The following SIRT5 variants were observed in gnomAD, a reference collection of about 807,000 sequenced individuals.
SIRT5 encodes sirtuin 5, also known as NAD-dependent protein deacylase sirtuin-5, mitochondrial.
In SIRT5, 26 loss-of-function variants were observed where a neutral mutation model predicts 40.0. That is an observed-to-expected ratio of 0.65 (90% CI 0.48 to 0.90). The LOEUF is 0.90. SIRT5 is among the 40% of genes least tolerant of loss of function. SIRT5 has a pLI of 0.00. For synonymous variants in SIRT5, 146 were observed against 149.1 expected (o/e 0.98, Z 0.15); for missense variants, 401 against 402.4 (o/e 1.00, Z 0.03).
chr6:13,585,470 C>T (rs886850218), intron 3 of SIRT5, among the ~76,000 whole-genome samples: 8 of 151,822 alleles, frequency 5.3e-5, no homozygotes, highest in Non-Finnish European at 1.0e-4. Context: ...TCAACTCCCA[C>T]TTATGAGTGA....
rs1352881121 is a variant in SIRT5 at position 13,591,778 on chromosome 6, C to T, written c.359C>T (p.Ala120Val). The T allele has an allele frequency of 6.2e-7, 1 of 1,614,130 alleles. No homozygotes were observed. Among genetic ancestry groups the T allele is most frequent in the Non-Finnish European group, 8.5e-7 (1 of 1,179,992 alleles). The stretch of plus-strand genomic sequence containing the variant: ...AAGGAGCCCAACGCCGGGCACCGCG[C>T]CATAGCCGAGTGTGAGACCCGGCTG... The part of the protein sequence containing the change: ...GSKEPNAGHR[A>V]IAECETRLGK... The change falls in exon 5 of 10, where the codon GCC (alanine) becomes GTC (valine). Residue 120 changes from alanine (A) to valine (V), a missense_variant. Physicochemically the swap from Ala to Val is moderately conservative, Grantham distance 64 (BLOSUM62 0). Coordinates refer to ENST00000606117, the MANE Select transcript of SIRT5 (RefSeq NM_012241.5).
chr6:13,580,377 G>A (rs547999841), intron 2 of SIRT5, among the ~76,000 whole-genome samples: 8 of 152,086 alleles, frequency 5.3e-5, no homozygotes, highest in African/African-American at 1.9e-4. Context: ...AGTTCTATGA[G>A]TGTTGAAAAA....
chr6:13,595,869 G>A (rs961371935), intron 6 of SIRT5, among the ~76,000 whole-genome samples: 2 of 152,104 alleles, frequency 1.3e-5, no homozygotes, highest in Admixed American at 6.6e-5. Context: ...GCACATGCCT[G>A]TAGTCCCAGC....
Position 13,611,195 on chromosome 6 carries a change from A to ATG in SIRT5, c.858-583_858-582dup, listed in dbSNP as rs564440484. Among the ~76,000 whole-genome samples, 674 of 116,340 alleles carry ATG rather than the reference A, an allele frequency of 5.8e-3. 5 individuals are homozygous for ATG. Among genetic ancestry groups the ATG allele is most frequent in the East Asian group, 0.033 (132 of 3,982 alleles). The allele number at this position is 116,340 out of a possible 152,430, so 76.3% of individuals were successfully genotyped here. A position where few individuals can be genotyped will look rare whatever the true frequency, so the allele number is the denominator to read the frequency against. ...CCTGTGAATGCTGCTGTAATGTTTT[A>ATG]TGTGTGTGTGTGTATATATATATAT... On this transcript the variant is annotated intron_variant, in intron 9 of 9. Coordinates refer to ENST00000606117, the MANE Select transcript of SIRT5 (RefSeq NM_012241.5).
intron 2 of SIRT5, among the ~76,000 whole-genome samples, chr6:13,583,872 A>G (rs1423623940): frequency 6.6e-6 from 1 of 152,160 alleles, no homozygotes; most frequent in Non-Finnish European, 1.5e-5. Flanking sequence ...ACTTGAGAAC[A>G]CAAACGGAAA....
At chr6:13,591,134 G>A (rs1206762022) in intron 4 of SIRT5, among the ~76,000 whole-genome samples, 1 of 152,008 alleles carries the variant, frequency 6.6e-6, no homozygotes, top group Non-Finnish European at 1.5e-5. Flanking sequence ...ATTGAGTTGT[G>A]TGTGTTTAGT....
At chr6:13,611,421 T>C (rs1354410576) in intron 9 of SIRT5, among the ~76,000 whole-genome samples, 1 of 151,566 alleles carries the variant, frequency 6.6e-6, no homozygotes, top group Non-Finnish European at 1.5e-5. Flanking sequence ...TTTCAATGAG[T>C]TTGGCAGTAC....
At chr6:13,593,912 C>T (rs1157575451) in intron 5 of SIRT5, among the ~76,000 whole-genome samples, 1 of 152,094 alleles carries the variant, frequency 6.6e-6, no homozygotes, top group Non-Finnish European at 1.5e-5. Context: ...TCTGTGTTTT[C>T]CATGCAGTTT....
chr6:13,580,177 G>A (rs1424521135), intron 2 of SIRT5, among the ~76,000 whole-genome samples: 1 of 152,174 alleles, frequency 6.6e-6, no homozygotes, highest in Non-Finnish European at 1.5e-5. Flanking sequence ...GTCCCCTGAG[G>A]TTGTTCTGGA....
At chr6:13,604,858 C>T (rs1762895630) in intron 9 of SIRT5, 2 of 1,030,300 alleles carry the variant, frequency 1.9e-6, no homozygotes, top group Non-Finnish European at 1.2e-6. Flanking sequence ...TTGTCTCTAA[C>T]AAACAGGCTA....
chr6:13,612,128 GTTATTGGGAGGGAAAAA>G lies in SIRT5; in HGVS notation c.*266_*282del, dbSNP rs2127748613. ...GAGGTATCTTTGATGTGTATGGTTG[GTTATTGGGAGGGAAAAA>G]TTTTGTAAATTAGATTGTCTAAAAA... On this transcript the variant is annotated 3_prime_UTR_variant, in exon 10 of 10. Transcript: ENST00000606117. 3.5e-6 allele frequency: 1 copy of G among 288,002 alleles called. No homozygotes were observed. Among genetic ancestry groups the G allele is most frequent in the East Asian group, 5.9e-5 (1 of 16,952 alleles). The allele number at this position is 288,002 out of a possible 1,614,324, so 17.8% of individuals were successfully genotyped here.
chr6:13,597,664 G>A (rs1368300471), intron 7 of SIRT5, among the ~76,000 whole-genome samples: 3 of 151,978 alleles, frequency 2.0e-5, no homozygotes, highest in Non-Finnish European at 2.9e-5. Context: ...TTCTGCCTCA[G>A]CCTCCCGAGT....
chr6:13,579,267 T>C (rs950916872), intron 1 of SIRT5, among the ~76,000 whole-genome samples, 184 bp from the exon 2 acceptor site: 2 of 152,272 alleles, frequency 1.3e-5, no homozygotes, highest in African/African-American at 4.8e-5. Flanking sequence ...TAAAATACTT[T>C]GTAGTCGCAA....
Position 13,612,180 on chromosome 6 carries a change from T to C in SIRT5, c.*315T>C, listed in dbSNP as rs1584892699. On this transcript the variant is annotated 3_prime_UTR_variant, in exon 10 of 10. Transcript: ENST00000606117. ...TTAGATTGTCTAAAAAAAATAGTTATTCTGATTATATTTTTGTTATCTGGG... is the reference window on the plus strand; with the variant it reads ...TTAGATTGTCTAAAAAAAATAGTTACTCTGATTATATTTTTGTTATCTGGG... The C allele has an allele frequency of 4.8e-6, 1 of 206,474 alleles. No homozygotes were observed. Among genetic ancestry groups the C allele is most frequent in the African/African-American group, 2.3e-5 (1 of 43,696 alleles). 12.8% of individuals were successfully genotyped at this position (206,474 alleles called of 1,614,324 possible). A position where few individuals can be genotyped will look rare whatever the true frequency, so the allele number is the denominator to read the frequency against.
In SIRT5 at chr6:13,614,586, C is replaced by T. The variant is rs1764195964; in HGVS notation, c.*2721C>T. 6.6e-6 allele frequency: 1 copy of T among 152,244 alleles called. No individual in the cohort carries two copies. The highest frequency in any genetic ancestry group is 2.4e-5 in the African/African-American group (1 of 41,452). 9.4% of individuals were successfully genotyped at this position (152,244 alleles called of 1,614,324 possible). A position where few individuals can be genotyped will look rare whatever the true frequency, so the allele number is the denominator to read the frequency against. On this transcript the variant is annotated 3_prime_UTR_variant, in exon 10 of 10. Transcript: ENST00000606117. ...ACGTATGTGTATATACCACAAAACT[C>T]GGGTGCATTCTCTAGGGACCGGCGA...
intron 9 of SIRT5, among the ~76,000 whole-genome samples, chr6:13,606,550 T>C (rs1763136794): frequency 6.6e-6 from 1 of 152,162 alleles, no homozygotes; most frequent in South Asian, 2.1e-4. Flanking sequence ...TCCTAGTCCA[T>C]GCAGTCAGGG....
In SIRT5 at chr6:13,613,892, T is replaced by G. The variant is rs1050486816; in HGVS notation, c.*2027T>G. 1 of 152,264 alleles carries G rather than the reference T, an allele frequency of 6.6e-6. No individual in the cohort carries two copies. The highest frequency in any genetic ancestry group is 1.5e-5 in the Non-Finnish European group (1 of 68,042). The allele number at this position is 152,264 out of a possible 1,614,324, so 9.4% of individuals were successfully genotyped here. On this transcript the variant is annotated 3_prime_UTR_variant, in exon 10 of 10. Transcript: ENST00000606117. ...CAGGGAGTCTGATTATATTTTTGATTTGTAATTTCTATCTGACTAAGGCCT... is the reference window on the plus strand; with the variant it reads ...CAGGGAGTCTGATTATATTTTTGATGTGTAATTTCTATCTGACTAAGGCCT...
intron 4 of SIRT5, among the ~76,000 whole-genome samples, 156 bp from the exon 5 acceptor site, chr6:13,591,513 C>G (rs966412384): frequency 2.0e-5 from 3 of 152,358 alleles, no homozygotes; most frequent in African/African-American, 7.2e-5. Context: ...CCCTGCCTGG[C>G]ATCTGCCATG....
At position 13,615,069 on chromosome 6, in the gene SIRT5, C is replaced by T. The variant is rs1182118995; in HGVS notation, c.*3204C>T. ...GCCAGCCCTGTCTCGCCATCCCAGC[C>T]GAGGAGGGCAGCGCGATGGCTCTTC... On this transcript the variant is annotated 3_prime_UTR_variant, in exon 10 of 10. Transcript: ENST00000606117. 1 of 392,510 alleles carries T rather than the reference C, an allele frequency of 2.5e-6. No individual in the cohort carries two copies. The highest frequency in any genetic ancestry group is 4.6e-6 in the Non-Finnish European group (1 of 218,716). The allele number at this position is 392,510 out of a possible 1,614,324, so 24.3% of individuals were successfully genotyped here. A position where few individuals can be genotyped will look rare whatever the true frequency, so the allele number is the denominator to read the frequency against.
Sources: gnomAD v4.1 joint callset for allele counts (sites outside exome capture counted in the v4.1 genomes callset) on GRCh38, gnomAD v4.1.1 for gene constraint, MANE v1.5 for transcripts, NCBI Gene and HGNC (gene_info 2026-07-23, HGNC 2026-07-21) for gene names.